The following SLC26A7 variants were observed in gnomAD, a reference collection of about 807,000 sequenced individuals.
SLC26A7 encodes anion exchange transporter.
A neutral mutation model predicts 82.5 loss-of-function variants in SLC26A7; 59 were observed. The ratio of observed to expected loss-of-function variants is 0.72; its 90% CI spans 0.58 to 0.89. SLC26A7 has a LOEUF of 0.89. Ranked by LOEUF, SLC26A7 falls within the 40% of genes least tolerant of loss-of-function variation. The pLI is 0.00. For synonymous variants in SLC26A7, 271 were observed against 274.3 expected, an observed-to-expected ratio of 0.99 and a Z score of 0.12; for missense variants, 820 against 793.0, an observed-to-expected ratio of 1.03 and a Z score of -0.41.
chr8:91,225,829 A>C (rs1413957981), intron 2 of SLC26A7, among the ~76,000 whole-genome samples: 1 of 151,718 alleles, frequency 6.6e-6, no homozygotes, highest in East Asian at 1.9e-4. Context: ...ATTCCAAGGT[A>C]CTGCAACCTG....
At chr8:91,383,627 C>A (rs6988912) in intron 15 of SLC26A7, among the ~76,000 whole-genome samples, 9,055 of 152,144 alleles carry the variant, frequency 0.06, 395 homozygotes, top group African/African-American at 0.13. Context: ...AGTAAAAATA[C>A]AAATTTCTCA....
chr8:91,246,717 A>C (rs1258214462), upstream of SLC26A7, among the ~76,000 whole-genome samples: 1 of 151,338 alleles, frequency 6.6e-6, no homozygotes, highest in Non-Finnish European at 1.5e-5. Flanking sequence ...AAAAAAAAAC[A>C]AAACGGAAAA....
chr8:91,352,378 C>G (rs1320160625), intron 10 of SLC26A7, among the ~76,000 whole-genome samples: 1 of 152,046 alleles, frequency 6.6e-6, no homozygotes, highest in East Asian at 1.9e-4. Context: ...TTATGAGAGC[C>G]AGTCTCCATC....
chr8:91,235,656 T>C (rs1810384470), intron 2 of SLC26A7, among the ~76,000 whole-genome samples: 1 of 152,178 alleles, frequency 6.6e-6, no homozygotes, highest in African/African-American at 2.4e-5. Context: ...AGATTAGTTC[T>C]TTAAAAGGAC....
chr8:91,242,671 A>T (rs974778401), intron 2 of SLC26A7, among the ~76,000 whole-genome samples: 10 of 152,190 alleles, frequency 6.6e-5, no homozygotes, highest in Non-Finnish European at 1.3e-4. Context: ...AACAGTGGCC[A>T]TCTGCAAGCC....
At chr8:91,294,357 T>G (rs1811957854) in intron 3 of SLC26A7, among the ~76,000 whole-genome samples, 3 of 152,046 alleles carry the variant, frequency 2.0e-5, no homozygotes, top group Admixed American at 1.3e-4. Flanking sequence ...TTAGGCCAGG[T>G]TTTTTGGAGG....
intron 2 of SLC26A7, among the ~76,000 whole-genome samples, chr8:91,228,101 A>G (rs997401497): frequency 3.3e-5 from 5 of 152,224 alleles, no homozygotes; most frequent in African/African-American, 1.2e-4. Context: ...AGACTCATAG[A>G]GCAGCCATGG....
chr8:91,332,322 T>C (rs1482030929), intron 5 of SLC26A7, among the ~76,000 whole-genome samples: 1 of 141,346 alleles, frequency 7.1e-6, no homozygotes, highest in Admixed American at 7.3e-5. Context: ...TATAATTATA[T>C]AATTTATATA....
Position 91,353,013 on chromosome 8 carries a change from C to A in SLC26A7, c.1314+17C>A. ...ATCGATTGGGTAAGTAGAAATTTGACCTAAAACAATCCCTTTTTAGCTTAA... is the reference window on the plus strand; with the variant it reads ...ATCGATTGGGTAAGTAGAAATTTGAACTAAAACAATCCCTTTTTAGCTTAA... On this transcript the variant is annotated intron_variant, in intron 11 of 18. Coordinates refer to ENST00000276609, the MANE Select transcript of SLC26A7 (RefSeq NM_052832.4). The A allele has an allele frequency of 2.6e-6, 4 of 1,554,498 alleles. No homozygotes were observed. The highest frequency in any genetic ancestry group is 3.5e-6 in the Non-Finnish European group (4 of 1,135,442).
intron 2 of SLC26A7, among the ~76,000 whole-genome samples, chr8:91,234,966 C>G (rs1810372714): frequency 6.6e-6 from 1 of 151,582 alleles, no homozygotes; most frequent in Non-Finnish European, 1.5e-5. Flanking sequence ...GTCACCTAGG[C>G]TGGAGTGCAG....
intron 2 of SLC26A7, among the ~76,000 whole-genome samples, chr8:91,230,309 CA>C (rs1369445096): frequency 1.3e-5 from 2 of 152,160 alleles, no homozygotes; most frequent in Non-Finnish European, 2.9e-5. Context: ...AGACAAAGTC[CA>C]AACTCCTTGA....
rs1384396075 is a variant in SLC26A7 at position 91,274,973 on chromosome 8, A to G, written c.194-14163A>G. 3.3e-5 allele frequency among the ~76,000 whole-genome samples: 5 copies of G among 152,292 alleles called. No homozygotes were observed. The East Asian group carries it at 7.7e-4, about 23-fold the overall frequency. ...GGTACTTTGAAATTCACTTCCATAT[A>G]TCACTGATATCAGTCATTGGATAGA... is the stretch of plus-strand genomic sequence containing the variant. On this transcript the variant is annotated intron_variant, in intron 2 of 18. Transcript: ENST00000276609.
Position 91,295,558 on chromosome 8 carries a change from C to T in SLC26A7, c.332C>T (p.Ser111Leu). ...ACCTTTGCCTTGACATCCTTAATATCAGCCAACGCCGTGGAACGGATTGTC... is the reference window on the plus strand; with the variant it reads ...ACCTTTGCCTTGACATCCTTAATATTAGCCAACGCCGTGGAACGGATTGTC... Reference protein sequence around the residue: ...TGTFALTSLISANAVERIVPQ... With the variant: ...TGTFALTSLILANAVERIVPQ... Residue 111 changes from serine (S) to leucine (L), a missense_variant, in exon 4 of 19, where the codon TCA becomes TTA. Physicochemically the swap from Ser to Leu is moderately radical, Grantham distance 145. Transcript: ENST00000276609. 1 of 1,613,436 alleles carries T rather than the reference C, an allele frequency of 6.2e-7. No individual in the cohort carries two copies. Among genetic ancestry groups the T allele is most frequent in the African/African-American group, 1.3e-5 (1 of 75,028 alleles).
chr8:91,389,672 G>A (rs1490368889), intron 16 of SLC26A7, among the ~76,000 whole-genome samples: 2 of 151,962 alleles, frequency 1.3e-5, no homozygotes, highest in Non-Finnish European at 2.9e-5. Context: ...TATTTGCATG[G>A]GGTAGTCAGA....
At chr8:91,339,657 T>C (rs1366671693) in intron 7 of SLC26A7, among the ~76,000 whole-genome samples, 1 of 150,192 alleles carries the variant, frequency 6.7e-6, no homozygotes, top group Non-Finnish European at 1.5e-5. Flanking sequence ...TATTTATTTA[T>C]TTATTTAATT....
intron 2 of SLC26A7, among the ~76,000 whole-genome samples, chr8:91,242,466 T>C (rs1228328024): frequency 6.6e-6 from 1 of 152,202 alleles, no homozygotes; most frequent in Non-Finnish European, 1.5e-5. Flanking sequence ...ATGGAGTAAA[T>C]TGTATTCCTT....
chr8:91,258,342 G>C (rs569392624), intron 2 of SLC26A7, among the ~76,000 whole-genome samples: 1 of 152,090 alleles, frequency 6.6e-6, no homozygotes, highest in Non-Finnish European at 1.5e-5. Flanking sequence ...ACTGAACACA[G>C]CATTTTTCCT....
chr8:91,281,790 T>A (rs1267931297), intron 2 of SLC26A7, among the ~76,000 whole-genome samples: 1 of 152,126 alleles, frequency 6.6e-6, no homozygotes, highest in East Asian at 1.9e-4. Context: ...CCATGAGGGA[T>A]AGGAAGTGAC....
intron 15 of SLC26A7, among the ~76,000 whole-genome samples, chr8:91,381,645 A>C (rs1253397123): frequency 6.6e-6 from 1 of 152,106 alleles, no homozygotes; most frequent in Admixed American, 6.6e-5. Flanking sequence ...GGTCCTCGTG[A>C]AACTCTTTGG....
Sources: allele counts gnomAD v4.1 joint callset (sites outside exome capture counted in the v4.1 genomes callset), GRCh38; gene constraint gnomAD v4.1.1; transcripts MANE v1.5; gene names NCBI Gene and HGNC (gene_info 2026-07-23, HGNC 2026-07-21).